Variants in TRMT44 observed in about 807,000 individuals in gnomAD.
The protein encoded by TRMT44 is tRNA methyltransferase 44 homolog.
Under a neutral mutation model 77.3 loss-of-function variants are expected in TRMT44, and 78 were observed. That is an observed-to-expected ratio of 1.01 (90% CI 0.84 to 1.22). The LOEUF (loss-of-function observed/expected upper bound fraction) is 1.22, where lower values mean the gene tolerates loss of function less well. Ranked by LOEUF, TRMT44 falls within the 50% of genes most tolerant of loss-of-function variation. The pLI is 0.00. For missense variants in TRMT44, 1,090 were observed against 964.4 expected (o/e 1.13, Z -1.73); for synonymous variants, 391 against 383.3 (o/e 1.02, Z -0.23).
the TRMT44 span, among the ~76,000 whole-genome samples, chr4:8,503,432 A>G: frequency 2.6e-5 from 4 of 152,318 alleles, no homozygotes; most frequent in South Asian, 8.3e-4. Context: ...TGTGGAGGAC[A>G]CTGGGCTGAC....
downstream of TRMT44, chr4:8,478,602 C>T (rs768082898): frequency 7.2e-5 from 11 of 152,676 alleles, no homozygotes; most frequent in Non-Finnish European, 1.3e-4. Flanking sequence ...AGAGGTTTGG[C>T]GGGGGGTGGA....
rs181701711 is a variant in TRMT44 at position 8,470,100 on chromosome 4, T to C, written c.1928-984T>C. On this transcript the variant is annotated intron_variant, in intron 9 of 10. Coordinates refer to ENST00000389737, the MANE Select transcript of TRMT44 (RefSeq NM_152544.3). ...GTGAGATTCCCTGTTATGGAGTCCA[T>C]GCTGGGCCAGAGCCGGGGCAACAGG... 3.7e-3 allele frequency among the ~76,000 whole-genome samples: 568 copies of C among 152,358 alleles called. 3 individuals carry two copies. Among genetic ancestry groups the C allele is most frequent in the Admixed American group, 6.1e-3 (94 of 15,310 alleles).
Position 8,463,983 on chromosome 4 carries a change from A to T in TRMT44, c.1204-2A>T, listed in dbSNP as rs766070320. The T allele has an allele frequency of 1.9e-6, 3 of 1,612,098 alleles. No homozygotes were observed. The highest frequency in any genetic ancestry group is 1.1e-5 in the South Asian group (1 of 90,908). ...TTTCGTCTTGTTTTGTTATTCCTTT[A>T]GGAAGATGCAATCACACCCAATGAT... On this transcript the variant is annotated splice_acceptor_variant, in intron 6 of 10. Coordinates refer to ENST00000389737, the MANE Select transcript of TRMT44 (RefSeq NM_152544.3). LOFTEE classifies it high-confidence loss of function.
chr4:8,455,786 C>T (rs764381534), intron 6 of TRMT44, among the ~76,000 whole-genome samples: 2 of 152,170 alleles, frequency 1.3e-5, no homozygotes, highest in Non-Finnish European at 2.9e-5. Context: ...AACACAAGTA[C>T]AGCTGGCCCT....
the TRMT44 span, among the ~76,000 whole-genome samples, chr4:8,516,250 C>T: frequency 6.6e-6 from 1 of 152,160 alleles, no homozygotes; most frequent in Non-Finnish European, 1.5e-5. Flanking sequence ...ATCGCCCCCT[C>T]GACTGCTCTG....
intron 2 of TRMT44, among the ~76,000 whole-genome samples, chr4:8,448,537 C>T (rs1579039571): frequency 6.6e-6 from 1 of 152,186 alleles, no homozygotes; most frequent in East Asian, 1.9e-4. Flanking sequence ...AGCATGAGGC[C>T]CAGGGAAGAG....
At chr4:8,487,987 C>G (rs1437620187) in intron 2 of TRMT44, among the ~76,000 whole-genome samples, 2 of 151,828 alleles carry the variant, frequency 1.3e-5, no homozygotes, top group African/African-American at 4.8e-5. Context: ...TTTGTCTCTA[C>G]CAGAAAATGA....
Position 8,462,288 on chromosome 4 carries a change from G to A in TRMT44, c.1204-1697G>A, listed in dbSNP as rs180761289. ...TAGCCAGGTGAGATGGCGCATGCCT[G>A]TAATCCTAGCTACTCGGGAGGCTGA... On this transcript the variant is annotated intron_variant, in intron 6 of 10. Transcript: ENST00000389737. 3.3e-3 allele frequency among the ~76,000 whole-genome samples: 496 copies of A among 152,324 alleles called. 7 individuals are homozygous for A. The highest frequency in any genetic ancestry group is 4.6e-3 in the Non-Finnish European group (313 of 68,028).
rs1210009800 is a variant in TRMT44 at position 8,452,016 on chromosome 4, A to G, written c.1011A>G (p.Ala337=). The G allele has an allele frequency of 6.5e-7, 1 of 1,536,680 alleles. No individual in the cohort carries two copies. The highest frequency in any genetic ancestry group is 1.4e-5 in the African/African-American group (1 of 73,182). ...EKFVYEDVAI[A]AYLLILWEEE... is the part of the protein sequence containing the mutation. ...TCGTGTATGAAGATGTGGCTATCGC[A>G]GCATACCTGCTGGTAAGGGTGTAAG... Residue 337 remains alanine (A), a synonymous_variant, in exon 4 of 11, where the codon GCA becomes GCG. Transcript: ENST00000389737. The surrounding 1 kb of genome is among the most constrained non-coding windows in gnomAD (Gnocchi z 5.7).
chr4:8,508,953 GCCGT>G, the TRMT44 span: 1 of 152,304 alleles, frequency 6.6e-6, no homozygotes, highest in Non-Finnish European at 1.5e-5. Context: ...CACCATCCCG[GCCGT>G]TGCCCTGGAG....
Position 8,465,423 on chromosome 4 carries a change from T to C in TRMT44, c.1356T>C (p.Phe452=). Reference sequence around the variant, plus strand: ...TCTTTGTCCTCCCCTGCTGCTTCTTTGACTTCATTGGAAGATACTCCCGGA... The same window carrying C: ...TCTTTGTCCTCCCCTGCTGCTTCTTCGACTTCATTGGAAGATACTCCCGGA... The part of the protein sequence containing the change: ...CRFFVLPCCF[F]DFIGRYSRRQ... The change falls in exon 8 of 11, where the codon TTT becomes TTC. Residue 452 remains phenylalanine (F), a synonymous_variant. Coordinates refer to ENST00000389737, the MANE Select transcript of TRMT44 (RefSeq NM_152544.3). 17 of 1,614,018 alleles carry C rather than the reference T, an allele frequency of 1.1e-5. No homozygotes were observed. Among genetic ancestry groups the C allele is most frequent in the Non-Finnish European group, 1.4e-5 (17 of 1,179,980 alleles).
intron 3 of TRMT44, among the ~76,000 whole-genome samples, chr4:8,450,802 T>TG (rs1725400504): frequency 6.8e-6 from 1 of 147,618 alleles, no homozygotes; most frequent in African/African-American, 2.5e-5. Context: ...GTTTTTTTTT[T>TG]TTTTTTTTTT....
At chr4:8,515,362 G>A in the TRMT44 span, among the ~76,000 whole-genome samples, 1,542 of 152,308 alleles carry the variant, frequency 0.01, 33 homozygotes, top group African/African-American at 0.036. Flanking sequence ...GGGAACTCAC[G>A]GTCCAGCGAA....
At chr4:8,457,975 T>G (rs1725914734) in intron 6 of TRMT44, among the ~76,000 whole-genome samples, 1 of 152,152 alleles carries the variant, frequency 6.6e-6, no homozygotes, top group Non-Finnish European at 1.5e-5. Context: ...TCCAGAGGAA[T>G]TAACTACAGA....
chr4:8,496,538 A>C (rs574569826), downstream of TRMT44, among the ~76,000 whole-genome samples: 2 of 152,344 alleles, frequency 1.3e-5, no homozygotes, highest in East Asian at 3.9e-4. Context: ...GCTACAGGGC[A>C]CTTGACAGTA....
chr4:8,471,668 C>A (rs1031523518), intron 10 of TRMT44, among the ~76,000 whole-genome samples: 1 of 152,254 alleles, frequency 6.6e-6, no homozygotes, highest in African/African-American at 2.4e-5. Flanking sequence ...GGCCCTCGCC[C>A]CACGGGCCTG....
rs1724920333 is a variant in TRMT44 at position 8,444,118 on chromosome 4, G to A, written c.620-2358G>A. Among the ~76,000 whole-genome samples the A allele has an allele frequency of 6.6e-6, 1 of 152,128 alleles. No individual in the cohort carries two copies. Among genetic ancestry groups the A allele is most frequent in the East Asian group, 1.9e-4 (1 of 5,192 alleles). On this transcript the variant is annotated intron_variant, in intron 1 of 10. Transcript: ENST00000389737. The surrounding 1 kb of genome is among the most constrained non-coding windows in gnomAD (Gnocchi z 4.0). The stretch of plus-strand genomic sequence containing the variant: ...GATTACTTAATCTGTTGAACGCCTG[G>A]TTTTCTCATCTAGAACAGAGGTTTC...
In TRMT44 at chr4:8,449,766, T is replaced by G; in HGVS notation, c.832T>G (p.Leu278Val). 6.5e-7 allele frequency: 1 copy of G among 1,536,042 alleles called. No individual in the cohort carries two copies. The highest frequency in any genetic ancestry group is 8.7e-7 in the Non-Finnish European group (1 of 1,146,896). Residue 278 changes from leucine to valine, a missense_variant, in exon 3 of 11, where the codon TTG becomes GTG. Physicochemically the swap from Leu to Val is conservative, Grantham distance 32. Transcript: ENST00000389737. ...TWLGEELLAK[L>V]AKWSVENKKS... The stretch of plus-strand genomic sequence containing the variant: ...GCTTGGAGAAGAGTTGCTGGCCAAG[T>G]TGGCCAAGTGGTCTGTAGAGAACAA...
chr4:8,509,149 C>A, the TRMT44 span: 2 of 149,546 alleles, frequency 1.3e-5, no homozygotes, highest in Admixed American at 1.3e-4. Context: ...GCAAGTGCAA[C>A]GCTGAGGCTT....
Sources: gnomAD v4.1 joint callset for allele counts (sites outside exome capture counted in the v4.1 genomes callset) on GRCh38, gnomAD v4.1.1 for gene constraint, Gnocchi (gnomAD v3.1) non-coding constraint, MANE v1.5 for transcripts, NCBI Gene and HGNC (gene_info 2026-07-23, HGNC 2026-07-21) for gene names.